PIK3C2G: variants seen among roughly 807,000 people sequenced by gnomAD.
PIK3C2G encodes phosphatidylinositol 3-kinase C2 domain-containing subunit gamma.
A neutral mutation model predicts 181.1 loss-of-function variants in PIK3C2G; 168 were observed. The observed-to-expected ratio is 0.93, with a 90% CI of 0.82 to 1.05. The LOEUF is 1.05. Ranked by LOEUF, PIK3C2G falls within the 50% of genes least tolerant of loss-of-function variation. The probability of loss-of-function intolerance (pLI) is 0.00; values close to 1 mark genes in which losing one functional copy is unlikely to be tolerated. For synonymous variants in PIK3C2G, 573 were observed against 592.2 expected (o/e 0.97, Z 0.47); for missense variants, 1,869 against 1,732.8 (o/e 1.08, Z -1.40).
chr12:18,363,578 C>G (rs908528441), intron 12 of PIK3C2G, among the ~76,000 whole-genome samples: 2 of 151,972 alleles, frequency 1.3e-5, no homozygotes, highest in African/African-American at 4.8e-5. Flanking sequence ...TGCTCTCAGT[C>G]ATTTCCCTGC....
the PIK3C2G span, among the ~76,000 whole-genome samples, chr12:18,694,664 T>C: frequency 0.31 from 47,190 of 151,964 alleles, 8,188 homozygotes; most frequent in East Asian, 0.5. Context: ...AGTAGAACTT[T>C]GAGAGGAGAA....
intron 8 of PIK3C2G, among the ~76,000 whole-genome samples, chr12:18,332,308 G>A (rs1027615769): frequency 6.6e-5 from 10 of 151,968 alleles, no homozygotes; most frequent in African/African-American, 1.7e-4. Context: ...CTCTCCCAGC[G>A]GTACTCCACC....
At chr12:18,652,837 G>A (rs117579065), downstream of PIK3C2G, among the ~76,000 whole-genome samples, 104 of 152,100 alleles carry the variant, frequency 6.8e-4, 1 homozygote, top group East Asian at 0.016. Context: ...ACATTCAGTT[G>A]TCTCATAGCA....
At chr12:18,257,634 G>GA (rs1335306789), upstream of PIK3C2G, among the ~76,000 whole-genome samples, 2 of 138,058 alleles carry the variant, frequency 1.4e-5, no homozygotes, top group Non-Finnish European at 3.1e-5. Context: ...GAGAGGGAAA[G>GA]AAAAAAAGAA....
At position 18,405,991 on chromosome 12, in the gene PIK3C2G, A is replaced by G. The variant is rs1309039121; in HGVS notation, c.2315+6144A>G. ...TCACAGAAATTTACTCCTCCAAGCT[A>G]CTGAAATGTTGTACCCTTTGACAAC... On this transcript the variant is annotated intron_variant, in intron 16 of 32. Transcript: ENST00000538779. 2.6e-5 allele frequency among the ~76,000 whole-genome samples: 4 copies of G among 152,152 alleles called. No individual in the cohort carries two copies. In the South Asian group the frequency reaches 8.3e-4, roughly 32 times the overall value.
chr12:18,301,265 G>A (rs1398535275), intron 5 of PIK3C2G, among the ~76,000 whole-genome samples: 1 of 152,110 alleles, frequency 6.6e-6, no homozygotes, highest in Non-Finnish European at 1.5e-5. Context: ...CAAAACTTGG[G>A]AAGTTTTCAG....
At chr12:18,410,908 C>A (rs532028660) in intron 16 of PIK3C2G, among the ~76,000 whole-genome samples, 1 of 152,006 alleles carries the variant, frequency 6.6e-6, no homozygotes, top group Non-Finnish European at 1.5e-5. Flanking sequence ...ATAAGAGGAG[C>A]GAAATCAAGA....
chr12:18,608,908 G>A (rs1948196475), intron 30 of PIK3C2G, among the ~76,000 whole-genome samples: 1 of 152,074 alleles, frequency 6.6e-6, no homozygotes, highest in Non-Finnish European at 1.5e-5. Context: ...TGTGCAGGGG[G>A]TGGGAGGAGT....
At chr12:18,508,737 A>G (rs927337758) in intron 24 of PIK3C2G, among the ~76,000 whole-genome samples, 3 of 152,148 alleles carry the variant, frequency 2.0e-5, no homozygotes, top group Non-Finnish European at 4.4e-5. Flanking sequence ...GCGTTCCAGT[A>G]ATGGAACACT....
the PIK3C2G span, chr12:18,719,752 GAATT>G: frequency 9.7e-6 from 6 of 620,104 alleles, no homozygotes; most frequent in South Asian, 6.4e-5. Flanking sequence ...TATTCCTTTA[GAATT>G]AATATTAATA....
intron 1 of PIK3C2G, among the ~76,000 whole-genome samples, chr12:18,263,375 CT>C (rs1002556817): frequency 3.3e-5 from 5 of 152,028 alleles, no homozygotes; most frequent in Non-Finnish European, 5.9e-5. Flanking sequence ...CATAAGCCAT[CT>C]TGTCCTTATA....
At chr12:18,438,557 T>C (rs1220046163) in intron 18 of PIK3C2G, among the ~76,000 whole-genome samples, 1 of 151,914 alleles carries the variant, frequency 6.6e-6, no homozygotes, top group Non-Finnish European at 1.5e-5. Context: ...AACAATTCTT[T>C]AGTCTCCATT....
chr12:18,366,387 G>A (rs899090038), intron 12 of PIK3C2G, among the ~76,000 whole-genome samples: 1 of 152,064 alleles, frequency 6.6e-6, no homozygotes, highest in Non-Finnish European at 1.5e-5. Context: ...ACAAAAATTA[G>A]CCAGGCGTGG....
intron 26 of PIK3C2G, among the ~76,000 whole-genome samples, chr12:18,556,297 C>T (rs1325713517): frequency 1.3e-5 from 2 of 152,140 alleles, no homozygotes; most frequent in Non-Finnish European, 2.9e-5. Flanking sequence ...ACACTCAGAG[C>T]CCCAGTCCCA....
chr12:18,602,205 T>G (rs1947763176), intron 30 of PIK3C2G, among the ~76,000 whole-genome samples: 1 of 151,458 alleles, frequency 6.6e-6, no homozygotes, highest in Non-Finnish European at 1.5e-5. Context: ...ACGGTGGGAG[T>G]GAGACTGGCC....
chr12:18,585,705 A>G (rs1163172754), intron 29 of PIK3C2G, among the ~76,000 whole-genome samples: 1 of 152,202 alleles, frequency 6.6e-6, no homozygotes, highest in East Asian at 1.9e-4. Context: ...GATCTAACAG[A>G]CGTCTTTGGA....
intron 14 of PIK3C2G, among the ~76,000 whole-genome samples, chr12:18,382,976 C>A (rs749623358): frequency 2.2e-4 from 34 of 152,190 alleles, no homozygotes; most frequent in Non-Finnish European, 4.7e-4. Context: ...TAAAGGTCCA[C>A]TTCTAATCTG....
chr12:18,245,154 T>C (rs1948026844), upstream of PIK3C2G, among the ~76,000 whole-genome samples: 1 of 151,830 alleles, frequency 6.6e-6, no homozygotes, highest in South Asian at 2.1e-4. Flanking sequence ...TCAGAAAAAA[T>C]AGGAAAACTC....
At chr12:18,686,202 C>T in the PIK3C2G span, among the ~76,000 whole-genome samples, 1 of 151,910 alleles carries the variant, frequency 6.6e-6, no homozygotes, top group Non-Finnish European at 1.5e-5. Context: ...GAAATTTTAT[C>T]CTGACTCTAC....
Sources: gnomAD v4.1 joint callset for allele counts (sites outside exome capture counted in the v4.1 genomes callset) on GRCh38, gnomAD v4.1.1 for gene constraint, MANE v1.5 for transcripts, NCBI Gene and HGNC (gene_info 2026-07-23, HGNC 2026-07-21) for gene names.